Variants in DISC1 observed in about 807,000 individuals in gnomAD.
DISC1 encodes DISC1 scaffold protein.
In DISC1, 57 loss-of-function variants were observed where a neutral mutation model predicts 84.5. That is an observed-to-expected ratio of 0.67 (90% CI 0.55 to 0.84). DISC1 has a LOEUF of 0.84. DISC1 is among the 40% of genes least tolerant of loss of function. The pLI is 0.00. For missense variants in DISC1, 1,000 were observed against 1,057.8 expected (o/e 0.95, Z 0.76); for synonymous variants, 411 against 415.2 (o/e 0.99, Z 0.12).
chr1:231,925,592 A>G (rs934349744), intron 9 of DISC1, among the ~76,000 whole-genome samples: 1 of 152,184 alleles, frequency 6.6e-6, no homozygotes, highest in Non-Finnish European at 1.5e-5. Context: ...GATAAGTCCA[A>G]ATCCTAACCC....
chr1:231,972,085 G>A (rs888862057), intron 10 of DISC1, among the ~76,000 whole-genome samples: 6 of 152,166 alleles, frequency 3.9e-5, no homozygotes, highest in African/African-American at 1.2e-4. Flanking sequence ...TACGCTGCCC[G>A]GTCTCACTTT....
intron 6 of DISC1, among the ~76,000 whole-genome samples, chr1:231,788,959 A>T (rs1484544249): frequency 6.7e-6 from 1 of 148,450 alleles, no homozygotes; most frequent in East Asian, 2.0e-4. Context: ...AATACTGATT[A>T]GGTACACACT....
intron 1 of DISC1, among the ~76,000 whole-genome samples, chr1:231,637,484 C>T (rs923008158): frequency 2.0e-5 from 3 of 152,174 alleles, no homozygotes; most frequent in African/African-American, 7.2e-5. Context: ...AATTTCTCAT[C>T]CTTCACTCCT....
intron 9 of DISC1, among the ~76,000 whole-genome samples, chr1:231,912,013 T>C (rs535660613): frequency 3.9e-5 from 6 of 152,346 alleles, no homozygotes; most frequent in Non-Finnish European, 7.4e-5. Context: ...ACCATGTTTT[T>C]CATCTCCATA....
rs111566324 is a variant in DISC1 at position 231,714,145 on chromosome 1, G to A, written c.1117+12121G>A. Reference sequence around the variant, plus strand: ...ATAAGAAATAATTCTATTTATAATAGCATTTAAAATAATAAAATACTTGGA... The same window carrying A: ...ATAAGAAATAATTCTATTTATAATAACATTTAAAATAATAAAATACTTGGA... On this transcript the variant is annotated intron_variant, in intron 3 of 12. Transcript: ENST00000439617. Among the ~76,000 whole-genome samples, 4 of 152,020 alleles carry A rather than the reference G, an allele frequency of 2.6e-5. No individual in the cohort carries two copies. In the East Asian group the frequency reaches 5.8e-4, roughly 22 times the overall value.
At chr1:231,696,110 C>A (rs913053715) in intron 2 of DISC1, among the ~76,000 whole-genome samples, 1 of 152,178 alleles carries the variant, frequency 6.6e-6, no homozygotes, top group Non-Finnish European at 1.5e-5. Flanking sequence ...AGGCCAGAAA[C>A]CACAACCATC....
At chr1:231,627,984 C>T (rs1387870393) in intron 1 of DISC1, among the ~76,000 whole-genome samples, 3 of 152,108 alleles carry the variant, frequency 2.0e-5, no homozygotes, top group African/African-American at 4.8e-5. Context: ...GGTTGTTATG[C>T]GGTTTAACTG....
At chr1:231,657,060 A>G (rs1165020048) in intron 1 of DISC1, among the ~76,000 whole-genome samples, 2 of 152,178 alleles carry the variant, frequency 1.3e-5, no homozygotes, top group Admixed American at 1.3e-4. Context: ...GATTGATTTT[A>G]TATCTTTGGT....
chr1:231,874,147 G>A (rs983342725), intron 9 of DISC1, among the ~76,000 whole-genome samples: 1 of 151,854 alleles, frequency 6.6e-6, no homozygotes, highest in African/African-American at 2.4e-5. Flanking sequence ...ACCGTGTCTG[G>A]CCTTAAATAA....
At chr1:231,797,747 T>C (rs942426216) in intron 7 of DISC1, among the ~76,000 whole-genome samples, 1 of 152,192 alleles carries the variant, frequency 6.6e-6, no homozygotes, top group Non-Finnish European at 1.5e-5. Context: ...TATAAAACTT[T>C]ATAATTACTT....
intron 8 of DISC1, chr1:231,815,328 T>C (rs2080820991): frequency 6.6e-6 from 1 of 152,224 alleles, no homozygotes; most frequent in South Asian, 2.1e-4. Flanking sequence ...CACCCTATCT[T>C]GTCCCAGTCA....
intron 10 of DISC1, among the ~76,000 whole-genome samples, chr1:231,960,845 TG>T (rs1396371594): frequency 1.3e-5 from 2 of 152,262 alleles, no homozygotes; most frequent in Non-Finnish European, 2.9e-5. Flanking sequence ...AAGCCCAGGT[TG>T]TTTTGCCTGG....
chr1:231,659,249 T>C (rs1334641420), intron 1 of DISC1, among the ~76,000 whole-genome samples: 2 of 152,140 alleles, frequency 1.3e-5, no homozygotes, highest in African/African-American at 4.8e-5. Context: ...TTCTTCTAGA[T>C]TTTTTAGTCT....
intron 9 of DISC1, among the ~76,000 whole-genome samples, chr1:231,856,104 CTCATTAGTTGCAAG>C (rs1179902597): frequency 6.6e-6 from 1 of 152,144 alleles, no homozygotes; most frequent in Non-Finnish European, 1.5e-5. Context: ...GCCTAAACAG[CTCATTAGTTGCAAG>C]AATGATCAGA....
At chr1:232,025,923 T>C (rs1424080502) in intron 11 of DISC1, among the ~76,000 whole-genome samples, 1 of 152,144 alleles carries the variant, frequency 6.6e-6, no homozygotes, top group African/African-American at 2.4e-5. Flanking sequence ...GCGGCGGCTC[T>C]ATATGCAGTA....
intron 4 of DISC1, among the ~76,000 whole-genome samples, chr1:231,754,011 G>A (rs2074884524): frequency 6.6e-6 from 1 of 152,096 alleles, no homozygotes; most frequent in South Asian, 2.1e-4. Context: ...GACCTCATGA[G>A]CCTGGCTTTC....
At chr1:231,906,831 GGA>G in intron 9 of DISC1, among the ~76,000 whole-genome samples, 1 of 148,948 alleles carries the variant, frequency 6.7e-6, no homozygotes, top group African/African-American at 2.5e-5. Context: ...CAAGAAGAAA[GGA>G]AAAAAAAAAT....
chr1:232,034,943 CT>C (rs1401245889), intron 12 of DISC1, among the ~76,000 whole-genome samples: 7 of 152,048 alleles, frequency 4.6e-5, no homozygotes, highest in African/African-American at 1.5e-4. Context: ...CTTTCCTCCC[CT>C]GATCACCCTC....
At chr1:232,003,086 A>G (rs541955905) in intron 10 of DISC1, among the ~76,000 whole-genome samples, 11 of 152,286 alleles carry the variant, frequency 7.2e-5, no homozygotes, top group African/African-American at 2.6e-4. Flanking sequence ...AGAAAAAAAG[A>G]AGGGAATTTT....
Sources: gnomAD v4.1 joint callset for allele counts (sites outside exome capture counted in the v4.1 genomes callset) on GRCh38, gnomAD v4.1.1 for gene constraint, MANE v1.5 for transcripts, NCBI Gene and HGNC (gene_info 2026-07-23, HGNC 2026-07-21) for gene names.